Variants in LRP1B observed in about 807,000 individuals in gnomAD.
LRP1B encodes the protein LDL receptor related protein 1B.
Under a neutral mutation model 556.6 loss-of-function variants are expected in LRP1B, and 217 were observed. The observed-to-expected ratio is 0.39, with a 90% CI of 0.35 to 0.44. LRP1B has a LOEUF of 0.44. Among genes scored for constraint, LRP1B ranks in the 20% least tolerant of loss-of-function variants. LRP1B has a pLI of 1.00. For synonymous variants in LRP1B, 2,047 were observed against 1,865.8 expected, an observed-to-expected ratio of 1.10 and a Z score of -2.50; for missense variants, 5,053 against 5,620.8, an observed-to-expected ratio of 0.90 and a Z score of 3.23.
chr2:140,770,792 T>C (rs1689283203), intron 34 of LRP1B, 89 bp downstream of exon 34: 12 of 1,112,462 alleles, frequency 1.1e-5, no homozygotes, highest in African/African-American at 1.6e-5. Context: ...TTCTAATGTT[T>C]AACTGACTTT....
intron 1 of LRP1B, among the ~76,000 whole-genome samples, chr2:142,071,623 G>A (rs932622758): frequency 6.6e-6 from 1 of 151,968 alleles, no homozygotes; most frequent in Admixed American, 6.6e-5. Flanking sequence ...GGCTGCTTTA[G>A]TGTCCCAACA....
At chr2:140,949,345 A>C (rs1695636044) in intron 20 of LRP1B, among the ~76,000 whole-genome samples, 1 of 152,172 alleles carries the variant, frequency 6.6e-6, no homozygotes, top group Admixed American at 6.5e-5. Flanking sequence ...GATTTCCAAC[A>C]TGACTTTTAA....
chr2:141,369,017 G>A (rs1573866147), intron 3 of LRP1B, among the ~76,000 whole-genome samples: 2 of 152,186 alleles, frequency 1.3e-5, no homozygotes, highest in Admixed American at 1.3e-4. Context: ...TACACAAAGT[G>A]CTTGGTAATA....
intron 1 of LRP1B, among the ~76,000 whole-genome samples, chr2:142,061,406 AAT>A (rs2104892815): frequency 6.6e-6 from 1 of 152,114 alleles, no homozygotes; most frequent in East Asian, 1.9e-4. Flanking sequence ...TCTTACAAAG[AAT>A]TTATTATAAC....
At chr2:141,620,429 A>C (rs1688459923) in intron 2 of LRP1B, among the ~76,000 whole-genome samples, 1 of 152,228 alleles carries the variant, frequency 6.6e-6, no homozygotes, top group African/African-American at 2.4e-5. Flanking sequence ...TCTCTCAAAA[A>C]ATAATCATTT....
intron 21 of LRP1B, among the ~76,000 whole-genome samples, chr2:140,914,919 A>G (rs904709425): frequency 5.3e-5 from 8 of 152,300 alleles, no homozygotes; most frequent in Admixed American, 5.2e-4. Context: ...CTCTTTGTAC[A>G]TTCTACCAGT....
At chr2:141,816,818 CTT>C (rs895365949) in intron 1 of LRP1B, among the ~76,000 whole-genome samples, 49 of 151,582 alleles carry the variant, frequency 3.2e-4, no homozygotes, top group African/African-American at 1.1e-3. Flanking sequence ...ATAAGATAGA[CTT>C]AATGGGATTT....
chr2:140,907,727 T>C (rs145860300), intron 22 of LRP1B, 150 bp downstream of exon 22: 3 of 726,808 alleles, frequency 4.1e-6, no homozygotes, highest in Middle Eastern at 3.0e-4. Context: ...AGCCTTAGAG[T>C]GTCTGAGAAA....
At chr2:140,945,783 T>C (rs1695525541) in intron 20 of LRP1B, among the ~76,000 whole-genome samples, 1 of 152,152 alleles carries the variant, frequency 6.6e-6, no homozygotes, top group Admixed American at 6.6e-5. Context: ...GGAAGTACTC[T>C]TCTAGATATT....
At chr2:141,188,823 TAA>T (rs1558921099) in intron 6 of LRP1B, among the ~76,000 whole-genome samples, 1 of 152,032 alleles carries the variant, frequency 6.6e-6, no homozygotes, top group Non-Finnish European at 1.5e-5. Context: ...GATACATGCA[TAA>T]AGAGTTTCCA....
intron 7 of LRP1B, among the ~76,000 whole-genome samples, chr2:141,126,020 G>A (rs116313184): frequency 0.025 from 3,611 of 145,282 alleles, 153 homozygotes; most frequent in African/African-American, 0.087. Flanking sequence ...TCAATTGATA[G>A]CTACTTTCTT....
At chr2:141,009,067 G>A (rs1460996535) in intron 14 of LRP1B, among the ~76,000 whole-genome samples, 1 of 151,820 alleles carries the variant, frequency 6.6e-6, no homozygotes, top group Non-Finnish European at 1.5e-5. Context: ...CTTCAAAATG[G>A]TGGAACAAAG....
intron 1 of LRP1B, among the ~76,000 whole-genome samples, chr2:141,864,191 A>C (rs1420805423): frequency 1.3e-5 from 2 of 152,224 alleles, no homozygotes; most frequent in African/African-American, 4.8e-5. Flanking sequence ...TGAATAACTA[A>C]TGAGGTTAGC....
chr2:140,674,424 C>G (rs1047543019), intron 41 of LRP1B, among the ~76,000 whole-genome samples: 2 of 152,146 alleles, frequency 1.3e-5, no homozygotes, highest in African/African-American at 4.8e-5. Context: ...ATCTATGAGA[C>G]TCCATCTACA....
At chr2:140,967,017 G>T (rs1269597696) in intron 18 of LRP1B, among the ~76,000 whole-genome samples, 1 of 152,108 alleles carries the variant, frequency 6.6e-6, no homozygotes, top group Non-Finnish European at 1.5e-5. Flanking sequence ...GATTGTCTTG[G>T]CAATGAGGGC....
intron 49 of LRP1B, among the ~76,000 whole-genome samples, chr2:140,522,877 C>T (rs1017246433): frequency 4.6e-5 from 7 of 151,910 alleles, no homozygotes; most frequent in African/African-American, 1.7e-4. Context: ...TCAATGAGTT[C>T]TAAAACTGAA....
chr2:140,315,700 G>T (rs559039030), intron 82 of LRP1B, among the ~76,000 whole-genome samples: 2 of 152,282 alleles, frequency 1.3e-5, no homozygotes, highest in South Asian at 4.1e-4. Context: ...TTTAGGAGTA[G>T]TTGCTATTAA....
intron 43 of LRP1B, among the ~76,000 whole-genome samples, chr2:140,554,293 T>G (rs1301516863): frequency 6.6e-6 from 1 of 152,106 alleles, no homozygotes; most frequent in Non-Finnish European, 1.5e-5. Flanking sequence ...AAATGGAATC[T>G]GGGCAAGTTT....
At chr2:141,951,870 T>A (rs888439409) in intron 1 of LRP1B, among the ~76,000 whole-genome samples, 1 of 152,114 alleles carries the variant, frequency 6.6e-6, no homozygotes, top group African/African-American at 2.4e-5. Context: ...TAAATTAAGT[T>A]TCTAGGGTAC....
Sources: allele counts gnomAD v4.1 joint callset (sites outside exome capture counted in the v4.1 genomes callset), GRCh38; gene constraint gnomAD v4.1.1; transcripts MANE v1.5; gene names NCBI Gene and HGNC (gene_info 2026-07-23, HGNC 2026-07-21).